Variants in SLC14A2 observed in about 807,000 individuals in gnomAD.
The protein encoded by SLC14A2 is solute carrier family 14 member 2, also known as urea transporter 2.
Under a neutral mutation model 104.6 loss-of-function variants are expected in SLC14A2, and 91 were observed. The ratio of observed to expected loss-of-function variants is 0.87; its 90% CI spans 0.73 to 1.04. SLC14A2 has a LOEUF of 1.04. Among genes scored for constraint, SLC14A2 ranks in the 50% least tolerant of loss-of-function variants. The probability of loss-of-function intolerance (pLI) is 0.00; values close to 1 mark genes in which losing one functional copy is unlikely to be tolerated. For missense variants in SLC14A2, 1,189 were observed against 1,156.0 expected, an observed-to-expected ratio of 1.03 and a Z score of -0.41; for synonymous variants, 476 against 466.4, an observed-to-expected ratio of 1.02 and a Z score of -0.27.
chr18:45,186,138 T>C, the SLC14A2 span, among the ~76,000 whole-genome samples: 2 of 152,232 alleles, frequency 1.3e-5, no homozygotes, highest in Non-Finnish European at 2.9e-5. Context: ...AAAATTCCTA[T>C]GCAAATGCAA....
At chr18:45,218,209 T>C (rs2084028196) in intron 1 of SLC14A2, among the ~76,000 whole-genome samples, 1 of 152,212 alleles carries the variant, frequency 6.6e-6, no homozygotes, top group Non-Finnish European at 1.5e-5. Context: ...ACCACCATTA[T>C]TTATGTCTCT....
At chr18:45,386,210 T>A (rs2144396837) in intron 1 of SLC14A2, among the ~76,000 whole-genome samples, 1 of 152,136 alleles carries the variant, frequency 6.6e-6, no homozygotes, top group South Asian at 2.1e-4. Context: ...CTAGCTGGAG[T>A]TGGTTCAAAA....
Position 45,637,173 on chromosome 18 carries a change from A to C in SLC14A2, c.834A>C (p.Glu278Asp). 1 of 1,613,844 alleles carries C rather than the reference A, an allele frequency of 6.2e-7. No homozygotes were observed. Among genetic ancestry groups the C allele is most frequent in the Non-Finnish European group, 8.5e-7 (1 of 1,179,836 alleles). Residue 278 changes from glutamate to aspartate, a missense_variant, in exon 6 of 20, where the codon GAA becomes GAC. Coordinates refer to ENST00000255226, the MANE Select transcript of SLC14A2 (RefSeq NM_007163.4). ...SVPNITWTEM[E>D]MPLLLQAIPV... is the part of the protein sequence containing the mutation. ...CCAATATCACCTGGACAGAGATGGA[A>C]ATGCCCCTGGTAAGTTACCCAGCGG... is the stretch of plus-strand genomic sequence containing the variant.
intron 1 of SLC14A2, among the ~76,000 whole-genome samples, chr18:45,346,800 A>G (rs2085452528): frequency 6.6e-6 from 1 of 151,850 alleles, no homozygotes; most frequent in African/African-American, 2.4e-5. Context: ...CATCTTGACT[A>G]AAAACACAAC....
chr18:45,251,787 C>T (rs944000537), intron 1 of SLC14A2, among the ~76,000 whole-genome samples: 2 of 152,136 alleles, frequency 1.3e-5, no homozygotes, highest in African/African-American at 4.8e-5. Flanking sequence ...ACTCTATCTC[C>T]AAATACAGCC....
chr18:45,652,252 C>A (rs1568315083), intron 10 of SLC14A2, among the ~76,000 whole-genome samples: 1 of 152,156 alleles, frequency 6.6e-6, no homozygotes, highest in Non-Finnish European at 1.5e-5. Flanking sequence ...TTATGTGAGA[C>A]TTTTTTTACT....
chr18:45,421,614 T>C (rs2086350527), intron 1 of SLC14A2, among the ~76,000 whole-genome samples: 1 of 152,218 alleles, frequency 6.6e-6, no homozygotes, highest in Non-Finnish European at 1.5e-5. Context: ...AAAATTTACA[T>C]TGTAATGGCT....
chr18:45,259,658 T>C (rs1384321219), intron 1 of SLC14A2, among the ~76,000 whole-genome samples: 3 of 152,154 alleles, frequency 2.0e-5, no homozygotes, highest in African/African-American at 7.2e-5. Flanking sequence ...AACAAGTATG[T>C]CTTCAAGGGC....
At chr18:45,606,748 CAAAACAAAAACAAAAAAAAA>C (rs1424526829) in intron 2 of SLC14A2, among the ~76,000 whole-genome samples, 891 of 87,822 alleles carry the variant, frequency 0.01, 8 homozygotes, top group Non-Finnish European at 0.015. Flanking sequence ...AAAAAAAAAA[CAAAACAAAAACAAAAAAAAA>C]AAACACTGGC....
chr18:45,286,793 T>C (rs571046306), intron 1 of SLC14A2, among the ~76,000 whole-genome samples: 3 of 152,148 alleles, frequency 2.0e-5, no homozygotes, highest in Non-Finnish European at 4.4e-5. Flanking sequence ...TGCTCATAGA[T>C]GTTATGGAAA....
At chr18:45,475,416 T>A (rs1174170935) in intron 1 of SLC14A2, among the ~76,000 whole-genome samples, 1 of 151,782 alleles carries the variant, frequency 6.6e-6, no homozygotes, top group Non-Finnish European at 1.5e-5. Context: ...CTGAATATCC[T>A]TGTTAATTTT....
intron 1 of SLC14A2, among the ~76,000 whole-genome samples, chr18:45,278,045 G>A (rs757105315): frequency 6.6e-6 from 1 of 152,094 alleles, no homozygotes; most frequent in Non-Finnish European, 1.5e-5. Context: ...TATAGTTAGG[G>A]CGTTCCCCAA....
intron 2 of SLC14A2, among the ~76,000 whole-genome samples, chr18:45,575,181 C>A (rs1298053198): frequency 6.6e-6 from 1 of 152,050 alleles, no homozygotes; most frequent in Non-Finnish European, 1.5e-5. Context: ...AGTGGGGAAT[C>A]TGAATCAGGG....
intron 19 of SLC14A2, among the ~76,000 whole-genome samples, chr18:45,680,579 G>GT (rs2046297753): frequency 6.6e-6 from 1 of 152,166 alleles, no homozygotes; most frequent in African/African-American, 2.4e-5. Flanking sequence ...GTACTCTTTT[G>GT]TTTTCTAAGT....
At chr18:45,354,886 C>T (rs2085536863) in intron 1 of SLC14A2, among the ~76,000 whole-genome samples, 1 of 152,218 alleles carries the variant, frequency 6.6e-6, no homozygotes, top group Admixed American at 6.5e-5. Flanking sequence ...GGACTGGGCA[C>T]TCACTAAAAG....
At chr18:45,268,243 A>G (rs1298908084) in intron 1 of SLC14A2, among the ~76,000 whole-genome samples, 1 of 152,214 alleles carries the variant, frequency 6.6e-6, no homozygotes, top group Non-Finnish European at 1.5e-5. Flanking sequence ...GGGTTTATTT[A>G]ACACAAATAT....
chr18:45,553,976 C>T (rs2044091984), intron 2 of SLC14A2, among the ~76,000 whole-genome samples: 2 of 152,172 alleles, frequency 1.3e-5, no homozygotes, highest in African/African-American at 4.8e-5. Context: ...AAGATCATTC[C>T]AAATGAACTC....
intron 1 of SLC14A2, among the ~76,000 whole-genome samples, chr18:45,252,829 T>A (rs2084437234): frequency 6.9e-6 from 1 of 144,122 alleles, no homozygotes. Context: ...GAGAGCCTAA[T>A]GGAGAGAGGT....
At chr18:45,378,807 T>C (rs1425059081) in intron 1 of SLC14A2, among the ~76,000 whole-genome samples, 1 of 152,108 alleles carries the variant, frequency 6.6e-6, no homozygotes, top group African/African-American at 2.4e-5. Flanking sequence ...GACTGGGTTT[T>C]GCCATGTTGG....
Sources: gnomAD v4.1 joint callset for allele counts (sites outside exome capture counted in the v4.1 genomes callset) on GRCh38, gnomAD v4.1.1 for gene constraint, MANE v1.5 for transcripts, NCBI Gene and HGNC (gene_info 2026-07-23, HGNC 2026-07-21) for gene names.